Variants in DLG2 observed in about 807,000 individuals in gnomAD.
The protein encoded by DLG2 is discs large MAGUK scaffold protein 2, also known as disks large homolog 2.
DLG2 carries 45 observed loss-of-function variants against 132.5 expected under a neutral mutation model. The ratio of observed to expected loss-of-function variants is 0.34; its 90% CI spans 0.27 to 0.44. The LOEUF (loss-of-function observed/expected upper bound fraction) is 0.44. DLG2 is among the 20% of genes least tolerant of loss of function. The probability of loss-of-function intolerance (pLI) is 1.00; values close to 1 mark genes in which losing one functional copy is unlikely to be tolerated. For synonymous variants in DLG2, 424 were observed against 419.6 expected (o/e 1.01, Z -0.13); for missense variants, 1,045 against 1,196.9 (o/e 0.87, Z 1.87).
chr11:85,500,351 T>C (rs1236113709), intron 3 of DLG2, among the ~76,000 whole-genome samples: 3 of 116,424 alleles, frequency 2.6e-5, no homozygotes, highest in African/African-American at 1.2e-4. Context: ...TGAGATCACA[T>C]GGACACAGGA....
intron 6 of DLG2, among the ~76,000 whole-genome samples, chr11:84,736,868 T>C (rs889515909): frequency 6.6e-6 from 1 of 152,010 alleles, no homozygotes; most frequent in Non-Finnish European, 1.5e-5. Context: ...CTTTACTGAT[T>C]ATGCTGGTTA....
intron 18 of DLG2, among the ~76,000 whole-genome samples, chr11:83,716,222 C>A (rs753877071): frequency 7.9e-5 from 12 of 152,004 alleles, no homozygotes; most frequent in African/African-American, 2.9e-4. Context: ...TTTGATTTTC[C>A]GCAGAAGAAA....
At chr11:84,662,644 AGGCATGGT>A (rs980398850) in intron 6 of DLG2, among the ~76,000 whole-genome samples, 6 of 151,868 alleles carry the variant, frequency 4.0e-5, no homozygotes, top group Non-Finnish European at 7.4e-5. Flanking sequence ...AAAATCAGTC[AGGCATGGT>A]GGCATGCACC....
At chr11:84,156,610 TAATAA>T (rs1381711257) in intron 9 of DLG2, among the ~76,000 whole-genome samples, 1 of 152,262 alleles carries the variant, frequency 6.6e-6, no homozygotes, top group Admixed American at 6.5e-5. Context: ...TTTTTGCAAC[TAATAA>T]AATAATTTAA....
At chr11:85,200,623 C>T (rs1004223471) in intron 4 of DLG2, among the ~76,000 whole-genome samples, 2 of 152,138 alleles carry the variant, frequency 1.3e-5, no homozygotes, top group Admixed American at 1.3e-4. Context: ...CTGGGTTCTG[C>T]AGCCTCTGTC....
intron 6 of DLG2, among the ~76,000 whole-genome samples, chr11:84,993,983 A>G (rs1000577226): frequency 6.6e-6 from 1 of 152,218 alleles, no homozygotes; most frequent in African/African-American, 2.4e-5. Flanking sequence ...GCACATGTAA[A>G]CCTAGGTAAC....
intron 6 of DLG2, among the ~76,000 whole-genome samples, chr11:84,556,200 C>T (rs886893471): frequency 1.2e-4 from 19 of 152,156 alleles, no homozygotes; most frequent in African/African-American, 4.3e-4. Context: ...TGATAGGAGA[C>T]AGGACATGGT....
chr11:83,937,070 A>T (rs75075714), intron 14 of DLG2, among the ~76,000 whole-genome samples: 30 of 152,194 alleles, frequency 2.0e-4, no homozygotes, highest in Admixed American at 1.9e-3. Flanking sequence ...ATTGATTTTT[A>T]AAAAATTTTT....
chr11:84,533,041 T>C (rs1342159113), intron 7 of DLG2, among the ~76,000 whole-genome samples: 2 of 151,976 alleles, frequency 1.3e-5, no homozygotes, highest in Non-Finnish European at 2.9e-5. Context: ...CAATTTTGTT[T>C]ACCCTTCTGC....
intron 6 of DLG2, among the ~76,000 whole-genome samples, chr11:84,915,560 C>A (rs960094816): frequency 6.6e-6 from 1 of 152,182 alleles, no homozygotes; most frequent in Non-Finnish European, 1.5e-5. Context: ...GTTTTCCAAA[C>A]TTGTCTTATG....
chr11:84,378,288 C>T (rs1216172386), intron 7 of DLG2, among the ~76,000 whole-genome samples: 2 of 152,112 alleles, frequency 1.3e-5, no homozygotes, highest in East Asian at 3.9e-4. Flanking sequence ...TGCATACACA[C>T]ATCAAGGAAA....
At chr11:84,795,295 T>C (rs116424681) in intron 6 of DLG2, among the ~76,000 whole-genome samples, 3,438 of 151,468 alleles carry the variant, frequency 0.023, 105 homozygotes, top group African/African-American at 0.07. Flanking sequence ...CCAAGGTGAG[T>C]CTCTTCTCTG....
chr11:84,972,442 T>C (rs1489955415), intron 6 of DLG2, among the ~76,000 whole-genome samples: 1 of 152,254 alleles, frequency 6.6e-6, no homozygotes, highest in Non-Finnish European at 1.5e-5. Context: ...CTATTACAAG[T>C]TGTTTCTAAG....
intron 6 of DLG2, among the ~76,000 whole-genome samples, chr11:85,108,142 T>C (rs139226497): frequency 1.6e-4 from 25 of 152,098 alleles, no homozygotes; most frequent in African/African-American, 5.3e-4. Flanking sequence ...TGATAAAAGT[T>C]CTGCACTTAA....
At chr11:84,333,510 A>G (rs2098470522) in intron 7 of DLG2, among the ~76,000 whole-genome samples, 1 of 152,226 alleles carries the variant, frequency 6.6e-6, no homozygotes, top group Non-Finnish European at 1.5e-5. Context: ...ATCTAAAGCA[A>G]TCAATTCTAG....
chr11:84,300,164 A>G (rs567530836), intron 7 of DLG2, among the ~76,000 whole-genome samples: 36 of 152,098 alleles, frequency 2.4e-4, no homozygotes, highest in Non-Finnish European at 3.4e-4. Context: ...AATTTCCAGG[A>G]TATTTCCCTT....
At chr11:84,620,997 G>C (rs1227890605) in intron 6 of DLG2, among the ~76,000 whole-genome samples, 1 of 152,116 alleles carries the variant, frequency 6.6e-6, no homozygotes. Context: ...ATATTGCACA[G>C]AGTAGAAACG....
At chr11:84,901,486 C>T (rs1463270308) in intron 6 of DLG2, among the ~76,000 whole-genome samples, 1 of 152,052 alleles carries the variant, frequency 6.6e-6, no homozygotes, top group Non-Finnish European at 1.5e-5. Flanking sequence ...ACGTAGTTCC[C>T]TCTTCTTGAG....
Position 83,542,006 on chromosome 11 carries a change from C to A in DLG2, c.1941-148G>T. ...ATGATTCCCTGGATCACAGTCCACA[C>A]TCTCACTGCTTTGGCAACACACTAA... is the stretch of plus-strand genomic sequence containing the variant. On this transcript the variant is annotated intron_variant, in intron 19 of 27. Coordinates refer to ENST00000376104, the MANE Select transcript of DLG2 (RefSeq NM_001142699.3). The A allele has an allele frequency of 5.4e-6, 4 of 737,326 alleles. No homozygotes were observed. In the South Asian group the frequency reaches 1.0e-4, roughly 18 times the overall value. The allele number at this position is 737,326 out of a possible 1,614,324, so 45.7% of individuals were successfully genotyped here. A position where few individuals can be genotyped will look rare whatever the true frequency, so the allele number is the denominator to read the frequency against.
Sources: gnomAD v4.1 joint callset for allele counts (sites outside exome capture counted in the v4.1 genomes callset) on GRCh38, gnomAD v4.1.1 for gene constraint, MANE v1.5 for transcripts, NCBI Gene and HGNC (gene_info 2026-07-23, HGNC 2026-07-21) for gene names.